The following STK38L variants were observed in gnomAD, a reference collection of about 807,000 sequenced individuals.
The protein encoded by STK38L is serine/threonine-protein kinase 38-like.
STK38L carries 28 observed loss-of-function variants against 59.7 expected under a neutral mutation model. The ratio of observed to expected loss-of-function variants is 0.47; its 90% CI spans 0.35 to 0.64. The LOEUF is 0.64. Ranked by LOEUF, STK38L falls within the 30% of genes least tolerant of loss-of-function variation. The probability of loss-of-function intolerance (pLI) is 0.01; values close to 1 mark genes in which losing one functional copy is unlikely to be tolerated. For synonymous variants in STK38L, 162 were observed against 176.8 expected, an observed-to-expected ratio of 0.92 and a Z score of 0.66; for missense variants, 314 against 555.8, an observed-to-expected ratio of 0.56 and a Z score of 4.37.
chr12:27,297,672 T>C (rs563598975), intron 1 of STK38L, 38 bp from the exon 2 acceptor site: 2 of 1,570,168 alleles, frequency 1.3e-6, no homozygotes, highest in East Asian at 2.3e-5. Context: ...AGGGGTTTTT[T>C]TTCCCACTGA....
chr12:27,258,046 G>A (rs1943126095), intron 1 of STK38L, among the ~76,000 whole-genome samples: 1 of 151,644 alleles, frequency 6.6e-6, no homozygotes, highest in African/African-American at 2.4e-5. Context: ...ATTTTTAGAT[G>A]GGGTTTTACC....
chr12:27,269,683 C>G (rs1463069428), intron 1 of STK38L, among the ~76,000 whole-genome samples: 2 of 152,144 alleles, frequency 1.3e-5, no homozygotes, highest in Non-Finnish European at 2.9e-5. Flanking sequence ...TGCTTTGTCA[C>G]CCAGGCTGCA....
intron 1 of STK38L, among the ~76,000 whole-genome samples, chr12:27,283,555 C>T (rs1214154217): frequency 6.6e-6 from 1 of 152,116 alleles, no homozygotes; most frequent in African/African-American, 2.4e-5. Context: ...AATTTAAATC[C>T]AGGGGGTGTA....
At chr12:27,278,055 A>G (rs1326221708) in intron 1 of STK38L, among the ~76,000 whole-genome samples, 1 of 152,226 alleles carries the variant, frequency 6.6e-6, no homozygotes, top group East Asian at 1.9e-4. Context: ...CCTATAAGCC[A>G]CAAAGCATGG....
chr12:27,301,180 G>A (rs191318964), intron 2 of STK38L, among the ~76,000 whole-genome samples: 1 of 152,234 alleles, frequency 6.6e-6, no homozygotes, highest in African/African-American at 2.4e-5. Flanking sequence ...AACTTCAAGG[G>A]TGCTGTTTAA....
chr12:27,251,071 CA>C (rs1942965884), intron 1 of STK38L, among the ~76,000 whole-genome samples: 1 of 150,674 alleles, frequency 6.6e-6, no homozygotes, highest in African/African-American at 2.4e-5. Flanking sequence ...TATTTTACTA[CA>C]AAAACTTCTC....
Position 27,297,791 on chromosome 12 carries a change from C to A in STK38L, c.71C>A (p.Ala24Asp). Residue 24 changes from alanine (A) to aspartate (D), a missense_variant, in exon 2 of 14, where the codon GCC (alanine) becomes GAC (aspartate). This residue lies in a region of STK38L where 192 missense variants were observed against 316.9 expected (regional missense o/e 0.61). Coordinates refer to ENST00000389032, the MANE Select transcript of STK38L (RefSeq NM_015000.4). The stretch of plus-strand genomic sequence containing the variant: ...CATACCCGGGAAAGAGTGACTGTAG[C>A]CAAGCTCACATTGGAGAATTTTTAT... ...SNHTRERVTVAKLTLENFYSN... is the reference protein window; with the variant it reads ...SNHTRERVTVDKLTLENFYSN... The A allele has an allele frequency of 6.2e-7, 1 of 1,613,994 alleles. No homozygotes were observed. Among genetic ancestry groups the A allele is most frequent in the Non-Finnish European group, 8.5e-7 (1 of 1,179,976 alleles).
At chr12:27,248,240 T>C (rs1591838584) in intron 1 of STK38L, among the ~76,000 whole-genome samples, 2 of 152,360 alleles carry the variant, frequency 1.3e-5, no homozygotes, top group East Asian at 1.9e-4. Flanking sequence ...ATAGCTATGC[T>C]TATAATGGCA....
intron 1 of STK38L, among the ~76,000 whole-genome samples, chr12:27,273,148 C>T (rs1943460427): frequency 6.8e-6 from 1 of 147,752 alleles, no homozygotes; most frequent in Non-Finnish European, 1.5e-5. Context: ...GTATGTTTAT[C>T]TTTTTTCTTT....
intron 3 of STK38L, chr12:27,302,493 T>C (rs550177672): frequency 1.5e-5 from 3 of 201,254 alleles, no homozygotes; most frequent in African/African-American, 6.9e-5. Flanking sequence ...TTCTAAATAT[T>C]CTTTTAAAGC....
intron 10 of STK38L, 49 bp from the exon 11 acceptor site, chr12:27,317,847 T>G: frequency 6.2e-7 from 1 of 1,608,558 alleles, no homozygotes. Flanking sequence ...GGTATAAACT[T>G]CACTGCTCAC....
At chr12:27,280,539 C>T (rs1018088878) in intron 1 of STK38L, among the ~76,000 whole-genome samples, 1 of 152,120 alleles carries the variant, frequency 6.6e-6, no homozygotes, top group Non-Finnish European at 1.5e-5. Context: ...TTTTGGGCCT[C>T]TTGAGGCTAC....
At chr12:27,307,450 T>A (rs1203393470) in intron 3 of STK38L, among the ~76,000 whole-genome samples, 1 of 152,198 alleles carries the variant, frequency 6.6e-6, no homozygotes, top group Non-Finnish European at 1.5e-5. Context: ...TTAGAAGCAA[T>A]GTTTCTAAGC....
intron 1 of STK38L, among the ~76,000 whole-genome samples, chr12:27,277,084 A>G (rs572799470): frequency 1.3e-5 from 2 of 152,310 alleles, no homozygotes; most frequent in Admixed American, 6.5e-5. Flanking sequence ...AATTATCCCA[A>G]TTTCACTTAA....
intron 1 of STK38L, among the ~76,000 whole-genome samples, chr12:27,260,137 T>C (rs1295086166): frequency 6.6e-6 from 1 of 152,194 alleles, no homozygotes; most frequent in Admixed American, 6.5e-5. Flanking sequence ...TCATTCTCCT[T>C]CTTTGTCTCT....
At chr12:27,260,227 C>CT (rs1212009453) in intron 1 of STK38L, among the ~76,000 whole-genome samples, 1 of 152,150 alleles carries the variant, frequency 6.6e-6, no homozygotes, top group African/African-American at 2.4e-5. Flanking sequence ...CAGTCTGGTA[C>CT]TTTATCAGAT....
chr12:27,320,780 A>ATT (rs71437393), intron 12 of STK38L, among the ~76,000 whole-genome samples: 64 of 130,048 alleles, frequency 4.9e-4, no homozygotes, highest in African/African-American at 1.1e-3. Flanking sequence ...GCAGCTAGTA[A>ATT]TTTTTTTTTT....
intron 12 of STK38L, among the ~76,000 whole-genome samples, chr12:27,320,412 A>G (rs565241609): frequency 1.3e-5 from 2 of 148,324 alleles, no homozygotes; most frequent in South Asian, 2.2e-4. Context: ...AACTATAGGC[A>G]TGTGCCACCA....
chr12:27,271,505 A>G (rs1247429195), intron 1 of STK38L, among the ~76,000 whole-genome samples: 1 of 152,150 alleles, frequency 6.6e-6, no homozygotes, highest in African/African-American at 2.4e-5. Flanking sequence ...TTGTAATTCA[A>G]TTTCCTATAT....
Sources: allele counts gnomAD v4.1 joint callset (sites outside exome capture counted in the v4.1 genomes callset), GRCh38; gene constraint gnomAD v4.1.1; regional missense constraint gnomAD v4.1.1; transcripts MANE v1.5; gene names NCBI Gene and HGNC (gene_info 2026-07-23, HGNC 2026-07-21).